RFTN1: variants seen among roughly 807,000 people sequenced by gnomAD.
The protein encoded by RFTN1 is raftlin.
RFTN1 carries 26 observed loss-of-function variants against 46.5 expected under a neutral mutation model. The observed-to-expected ratio is 0.56, with a 90% CI of 0.41 to 0.78. The LOEUF is 0.78. RFTN1 is among the 30% of genes least tolerant of loss of function. RFTN1 has a pLI of 0.00. For synonymous variants in RFTN1, 261 were observed against 284.2 expected (o/e 0.92, Z 0.82); for missense variants, 693 against 718.7 (o/e 0.96, Z 0.41).
At chr3:16,431,921 G>A (rs1189385072) in intron 3 of RFTN1, among the ~76,000 whole-genome samples, 4 of 152,176 alleles carry the variant, frequency 2.6e-5, no homozygotes, top group East Asian at 3.9e-4. Context: ...ATGCAGGTAC[G>A]GGAGACAGCC....
intron 7 of RFTN1, among the ~76,000 whole-genome samples, chr3:16,331,197 A>G (rs1249896211): frequency 6.6e-6 from 1 of 152,222 alleles, no homozygotes; most frequent in Non-Finnish European, 1.5e-5. Flanking sequence ...AGAGTCCTGC[A>G]AAAACTACTT....
At position 16,344,467 on chromosome 3, in the gene RFTN1, C is replaced by G. The variant is rs1229104261; in HGVS notation, c.1146+13465G>C. On this transcript the variant is annotated intron_variant, in intron 7 of 9. Transcript: ENST00000334133. This position sits in a 1 kb window ranked among gnomAD's most constrained non-coding sequence, Gnocchi z 4.4. ...GCATGGGTGGGTGGTCCAGAGTCTT[C>G]CCCACTCTCAGACCTGCCCTGGCCT... 6.6e-6 allele frequency among the ~76,000 whole-genome samples: 1 copy of G among 152,034 alleles called. No homozygotes were observed. Among genetic ancestry groups the G allele is most frequent in the African/African-American group, 2.4e-5 (1 of 41,352 alleles).
At position 16,445,481 on chromosome 3, in the gene RFTN1, T is replaced by TCA. The variant is rs752631378; in HGVS notation, c.146-11445_146-11444insTG. ...CTTTCTCTCTTTCTCTCTCTCTCTCTCTCACACACACACACACACACACAC... is the reference window on the plus strand; with the variant it reads ...CTTTCTCTCTTTCTCTCTCTCTCTCTCACTCACACACACACACACACACACAC... On this transcript the variant is annotated intron_variant, in intron 2 of 9. Coordinates refer to ENST00000334133, the MANE Select transcript of RFTN1 (RefSeq NM_015150.2). 5.5e-3 allele frequency among the ~76,000 whole-genome samples: 300 copies of TCA among 55,006 alleles called. 1 individual carries two copies. The highest frequency in any genetic ancestry group is 0.01 in the African/African-American group (139 of 13,694). The allele number at this position is 55,006 out of a possible 152,430, so 36.1% of individuals were successfully genotyped here.
rs1284514640 is a variant in RFTN1 at position 16,483,109 on chromosome 3, G to A, written c.145+10616C>T. 6.6e-6 allele frequency among the ~76,000 whole-genome samples: 1 copy of A among 152,154 alleles called. No homozygotes were observed. Among genetic ancestry groups the A allele is most frequent in the Non-Finnish European group, 1.5e-5 (1 of 68,030 alleles). On this transcript the variant is annotated intron_variant, in intron 2 of 9. Transcript: ENST00000334133. The surrounding 1 kb of genome is among the most constrained non-coding windows in gnomAD (Gnocchi z 4.8). ...TCAGTTCTGCTGAAGAGCTGCAAAT[G>A]TTATAGATGGATTTGTTATGTTCTA...
intron 2 of RFTN1, among the ~76,000 whole-genome samples, chr3:16,445,153 T>A (rs2075702506): frequency 1.3e-5 from 2 of 152,358 alleles, no homozygotes; most frequent in African/African-American, 4.8e-5. Context: ...CCAAAAACAA[T>A]GCTGTTGCAG....
At position 16,447,464 on chromosome 3, in the gene RFTN1, C is replaced by T. The variant is rs1417294643; in HGVS notation, c.146-13427G>A. Among the ~76,000 whole-genome samples, 2 of 152,210 alleles carry T rather than the reference C, an allele frequency of 1.3e-5. No homozygotes were observed. Among genetic ancestry groups the T allele is most frequent in the African/African-American group, 2.4e-5 (1 of 41,448 alleles). On this transcript the variant is annotated intron_variant, in intron 2 of 9. Transcript: ENST00000334133. This position sits in a 1 kb window ranked among gnomAD's most constrained non-coding sequence, Gnocchi z 5.9. ...TGCATGCAAAATCGACATCAGCACT[C>T]TCTGGTCTATTTTTTGCCTATGTAA...
rs2076502338 is a variant in RFTN1, at chr3:16,489,285, G to A, written c.145+4440C>T. On this transcript the variant is annotated intron_variant, in intron 2 of 9. Coordinates refer to ENST00000334133, the MANE Select transcript of RFTN1 (RefSeq NM_015150.2). This position sits in a 1 kb window ranked among gnomAD's most constrained non-coding sequence, Gnocchi z 4.0. ...ATAAAAAAATTAGCTGGGCATGGTG[G>A]CGGGCACCTGTAATCCCAACTACTC... Among the ~76,000 whole-genome samples the A allele has an allele frequency of 6.6e-6, 1 of 152,138 alleles. No homozygotes were observed. Among genetic ancestry groups the A allele is most frequent in the Non-Finnish European group, 1.5e-5 (1 of 68,030 alleles).
At chr3:16,360,245 C>T (rs2125337825) in intron 6 of RFTN1, among the ~76,000 whole-genome samples, 1 of 152,044 alleles carries the variant, frequency 6.6e-6, no homozygotes, top group East Asian at 1.9e-4. Flanking sequence ...AATCACGGCT[C>T]ACTGCAGCCT....
At chr3:16,404,409 T>A (rs1469655596) in intron 4 of RFTN1, among the ~76,000 whole-genome samples, 1 of 101,112 alleles carries the variant, frequency 9.9e-6, no homozygotes, top group Non-Finnish European at 1.9e-5. Flanking sequence ...ATATATAATA[T>A]ATATACACAA....
chr3:16,437,090 C>G (rs559408882), intron 2 of RFTN1, among the ~76,000 whole-genome samples: 10 of 152,330 alleles, frequency 6.6e-5, no homozygotes, highest in African/African-American at 2.4e-4. Flanking sequence ...TTGGGTCCCT[C>G]TGGAGCATGC....
chr3:16,323,513 C>T (rs956517622), intron 8 of RFTN1, 56 bp from the exon 9 acceptor site: 1 of 1,278,294 alleles, frequency 7.8e-7, no homozygotes, highest in African/African-American at 1.5e-5. Context: ...AACCCAAAAC[C>T]TGACACAGAT....
chr3:16,333,887 C>T (rs180908805), intron 7 of RFTN1, among the ~76,000 whole-genome samples: 5 of 152,294 alleles, frequency 3.3e-5, no homozygotes, highest in Admixed American at 2.0e-4. Flanking sequence ...AACTACCAGC[C>T]GGGCGTGGTG....
At chr3:16,392,764 G>A (rs2074381337) in intron 4 of RFTN1, among the ~76,000 whole-genome samples, 1 of 152,040 alleles carries the variant, frequency 6.6e-6, no homozygotes, top group Non-Finnish European at 1.5e-5. Context: ...AGTCTGCTGG[G>A]ACGTATGAAG....
At chr3:16,445,501 A>T (rs2075712898) in intron 2 of RFTN1, among the ~76,000 whole-genome samples, 1 of 149,318 alleles carries the variant, frequency 6.7e-6, no homozygotes, top group African/African-American at 2.5e-5. Context: ...ACACACACAC[A>T]CACACACACA....
intron 4 of RFTN1, among the ~76,000 whole-genome samples, chr3:16,401,239 T>C (rs2074593566): frequency 6.6e-6 from 1 of 151,402 alleles, no homozygotes. Context: ...AGGAGGACCA[T>C]CTGAGCCTGG....
At chr3:16,392,319 C>T (rs183858948) in intron 4 of RFTN1, among the ~76,000 whole-genome samples, 1 of 152,296 alleles carries the variant, frequency 6.6e-6, no homozygotes, top group African/African-American at 2.4e-5. Flanking sequence ...AGCCTAACTG[C>T]CTGCCAGGAT....
intron 5 of RFTN1, among the ~76,000 whole-genome samples, chr3:16,375,663 C>A (rs2073740239): frequency 6.6e-6 from 1 of 152,140 alleles, no homozygotes; most frequent in East Asian, 1.9e-4. Flanking sequence ...AAAGGGACTG[C>A]TTTATGTGTA....
rs531196621 is a variant in RFTN1 at position 16,352,051 on chromosome 3, T to C, written c.1146+5881A>G. On this transcript the variant is annotated intron_variant, in intron 7 of 9. Coordinates refer to ENST00000334133, the MANE Select transcript of RFTN1 (RefSeq NM_015150.2). The surrounding 1 kb of genome is among the most constrained non-coding windows in gnomAD (Gnocchi z 4.6). ...ACTCAAAAAGACTGGCAAATGGACATGTATTTACATACTTTACATTCAAAT... is the reference window on the plus strand; with the variant it reads ...ACTCAAAAAGACTGGCAAATGGACACGTATTTACATACTTTACATTCAAAT... Among the ~76,000 whole-genome samples the C allele has an allele frequency of 6.6e-6, 1 of 152,348 alleles. No homozygotes were observed. The highest frequency in any genetic ancestry group is 1.9e-4 in the East Asian group (1 of 5,194).
In RFTN1 at chr3:16,345,264, T is replaced by TTTGTGTGTGTGTGTGTGTGTGTGTGTGTG. The variant is rs1491581919; in HGVS notation, c.1146+12667_1146+12668insCACACACACACACACACACACACACACAA. ...AAACTGTAAGATAATAAGTAGGTGGTTGTGTGTGTGTGTGTGTGTGTGTGT... is the reference window on the plus strand; with the variant it reads ...AAACTGTAAGATAATAAGTAGGTGGTTTGTGTGTGTGTGTGTGTGTGTGTGTGTGTGTGTGTGTGTGTGTGTGTGTGTGT... On this transcript the variant is annotated intron_variant, in intron 7 of 9. Transcript: ENST00000334133. The surrounding 1 kb of genome is among the most constrained non-coding windows in gnomAD (Gnocchi z 5.2). 1.3e-3 allele frequency: 197 copies of TTTGTGTGTGTGTGTGTGTGTGTGTGTGTG among 145,930 alleles called. 1 individual carries two copies. Among genetic ancestry groups the TTTGTGTGTGTGTGTGTGTGTGTGTGTGTG allele is most frequent in the African/African-American group, 4.8e-3 (181 of 37,852 alleles). The allele number at this position is 145,930 out of a possible 1,614,324, so 9.0% of individuals were successfully genotyped here.
Sources: allele counts gnomAD v4.1 joint callset (sites outside exome capture counted in the v4.1 genomes callset), GRCh38; gene constraint gnomAD v4.1.1; non-coding constraint Gnocchi (gnomAD v3.1); transcripts MANE v1.5; gene names NCBI Gene and HGNC (gene_info 2026-07-23, HGNC 2026-07-21).